ALLC: variants seen among roughly 807,000 people sequenced by gnomAD.
ALLC encodes probable inactive allantoicase.
ALLC carries 40 observed loss-of-function variants against 45.0 expected under a neutral mutation model. The observed-to-expected ratio is 0.89, with a 90% CI of 0.69 to 1.16. ALLC has a LOEUF of 1.16. ALLC is among the 50% of genes most tolerant of loss of function. The pLI, the probability that ALLC is intolerant of heterozygous loss-of-function variation, is 0.00. For missense variants in ALLC, 488 were observed against 493.1 expected, an observed-to-expected ratio of 0.99 and a Z score of 0.10; for synonymous variants, 176 against 178.1, an observed-to-expected ratio of 0.99 and a Z score of 0.09.
intron 1 of ALLC, among the ~76,000 whole-genome samples, chr2:3,661,669 C>T (rs1386583776): frequency 6.6e-6 from 1 of 152,204 alleles, no homozygotes; most frequent in African/African-American, 2.4e-5. Flanking sequence ...CCTCTTAGCA[C>T]CTCTCCGACG....
At chr2:3,678,406 T>A (rs538862556) in intron 3 of ALLC, 62 bp from the exon 4 acceptor site, 11 of 1,436,792 alleles carry the variant, frequency 7.7e-6, no homozygotes, top group Non-Finnish European at 1.1e-5. Flanking sequence ...AGAAGTGGAC[T>A]TGCTGGAAGC....
At position 3,665,385 on chromosome 2, in the gene ALLC, T is replaced by C. The variant is rs188915521; in HGVS notation, c.-62-5711T>C. Among the ~76,000 whole-genome samples the C allele has an allele frequency of 5.9e-5, 9 of 152,270 alleles. No homozygotes were observed. The East Asian group carries it at 1.7e-3, about 29-fold the overall frequency. On this transcript the variant is annotated intron_variant, in intron 1 of 11. Coordinates refer to ENST00000252505, the MANE Select transcript of ALLC (RefSeq NM_018436.4). ...TTGCTACGTAGGTAAACGTGTGCCA[T>C]GGTGGTTTGCGGCACAGATCAACCC...
chr2:3,680,056 C>T lies in ALLC; in HGVS notation c.298+62C>T. 6.2e-7 allele frequency: 1 copy of T among 1,601,724 alleles called. No individual in the cohort carries two copies. The highest frequency in any genetic ancestry group is 2.2e-5 in the East Asian group (1 of 44,626). On this transcript the variant is annotated intron_variant, in intron 5 of 11. Transcript: ENST00000252505. This position sits in a 1 kb window ranked among gnomAD's most constrained non-coding sequence, Gnocchi z 4.0. ...TGGGTCACATGGCTCCTCTGGCCAG[C>T]CACAGCCCCACAACTGCTCACTTTC...
chr2:3,681,164 C>T (rs1667168105), intron 5 of ALLC, among the ~76,000 whole-genome samples: 1 of 152,148 alleles, frequency 6.6e-6, no homozygotes, highest in African/African-American at 2.4e-5. Flanking sequence ...AATGATGCTA[C>T]AAGAGATGCT....
chr2:3,688,738 G>T (rs1466952139), intron 7 of ALLC: 2 of 151,894 alleles, frequency 1.3e-5, no homozygotes, highest in Admixed American at 6.6e-5. Flanking sequence ...ACTCGATTTT[G>T]GGGGGGATCT....
At chr2:3,661,093 C>A (rs1054163151) in intron 1 of ALLC, among the ~76,000 whole-genome samples, 4 of 152,088 alleles carry the variant, frequency 2.6e-5, no homozygotes, top group African/African-American at 9.7e-5. Context: ...GCATTCACAA[C>A]CCGTCCCCCT....
Position 3,680,107 on chromosome 2 carries a change from C to T in ALLC, c.298+113C>T. 6.9e-7 allele frequency: 1 copy of T among 1,448,968 alleles called. No individual in the cohort carries two copies. The highest frequency in any genetic ancestry group is 2.3e-5 in the East Asian group (1 of 43,236). The allele number at this position is 1,448,968 out of a possible 1,614,324, so 89.8% of individuals were successfully genotyped here. On this transcript the variant is annotated intron_variant, in intron 5 of 11. Coordinates refer to ENST00000252505, the MANE Select transcript of ALLC (RefSeq NM_018436.4). This position sits in a 1 kb window ranked among gnomAD's most constrained non-coding sequence, Gnocchi z 4.0. ...CCTACCACCCAGACAGCTTCAGGCG[C>T]TTGACTAAGGCTACTTTACTGTAAC...
At chr2:3,702,151 A>T (rs72769395) in intron 11 of ALLC, among the ~76,000 whole-genome samples, 6,822 of 152,230 alleles carry the variant, frequency 0.045, 201 homozygotes, top group East Asian at 0.11. Context: ...TTGCCCATCA[A>T]TTGTTTATTG....
At chr2:3,650,089 T>C in the ALLC span, among the ~76,000 whole-genome samples, 1 of 152,182 alleles carries the variant, frequency 6.6e-6, no homozygotes, top group Non-Finnish European at 1.5e-5. Flanking sequence ...CTTTCTCCCC[T>C]CTTATGTCTG....
chr2:3,698,919 T>C (rs549801229), intron 10 of ALLC, among the ~76,000 whole-genome samples: 50 of 152,344 alleles, frequency 3.3e-4, no homozygotes, highest in African/African-American at 1.2e-3. Flanking sequence ...TACTAACCAT[T>C]ATATCAAATT....
intron 10 of ALLC, among the ~76,000 whole-genome samples, chr2:3,699,675 A>G (rs1428115783): frequency 6.6e-6 from 1 of 151,716 alleles, no homozygotes; most frequent in African/African-American, 2.4e-5. Flanking sequence ...TTATTTTTTG[A>G]TTTTTTCATA....
rs11686151 is a variant in ALLC, at chr2:3,682,257, C to T, written c.378+544C>T. ...ACCTAGAGAAAATGGTTGCAAGGCT[C>T]AGGCCAGCAGATTTCCCCAGAGGTC... On this transcript the variant is annotated intron_variant, in intron 6 of 11. Coordinates refer to ENST00000252505, the MANE Select transcript of ALLC (RefSeq NM_018436.4). 7.8e-3 allele frequency among the ~76,000 whole-genome samples: 1,182 copies of T among 152,286 alleles called. 12 individuals are homozygous for T. The highest frequency in any genetic ancestry group is 0.026 in the African/African-American group (1,091 of 41,550).
chr2:3,668,566 C>CTTTT (rs1173613810), intron 1 of ALLC, among the ~76,000 whole-genome samples: 893 of 71,894 alleles, frequency 0.012, 167 homozygotes, highest in Middle Eastern at 0.021. Context: ...ATGTGTATGA[C>CTTTT]TTTTTTTTTT....
chr2:3,678,193 A>G (rs911236286), intron 3 of ALLC, among the ~76,000 whole-genome samples: 2 of 152,226 alleles, frequency 1.3e-5, no homozygotes, highest in African/African-American at 4.8e-5. Context: ...TGCGGCCCAC[A>G]GAGTGCCTGG....
chr2:3,702,549 A>G lies in ALLC; in HGVS notation c.1162A>G (p.Lys388Glu), dbSNP rs1667891929. Residue 388 changes from lysine to glutamate, a missense_variant, in exon 12 of 12, where the codon AAA (lysine) becomes GAA (glutamate). Lys to Glu is a moderately conservative substitution (Grantham distance 56). Coordinates refer to ENST00000252505, the MANE Select transcript of ALLC (RefSeq NM_018436.4). ...CATGTTGAAGTTCTCGGTGAGCTTC[A>G]AAGCAAACCCTTAACACACACAAAG... ...KPMLKFSVSF[K>E]ANP 1 of 1,592,330 alleles carries G rather than the reference A, an allele frequency of 6.3e-7. No individual in the cohort carries two copies. The highest frequency in any genetic ancestry group is 8.5e-7 in the Non-Finnish European group (1 of 1,170,584).
rs553078203 is a variant in ALLC at position 3,701,569 on chromosome 2, A to C, written c.908A>C (p.Glu303Ala). Residue 303 changes from glutamate to alanine, a missense_variant, in exon 11 of 12, where the codon GAA becomes GCA. By Grantham distance (107) the Glu-to-Ala change is moderately radical. Transcript: ENST00000252505. ...TGCATCCTGACAACTCAGGAAGAAG[A>C]AGCCGTGATCAGGCAAAAGTGGATT... The part of the protein sequence containing the change: ...DGCILTTQEE[E>A]AVIRQKWILP... 38 of 1,455,546 alleles carry C rather than the reference A, an allele frequency of 2.6e-5. No individual in the cohort carries two copies. The highest frequency in any genetic ancestry group is 2.1e-4 in the East Asian group (9 of 43,312). 90.2% of individuals were successfully genotyped at this position (1,455,546 alleles called of 1,614,324 possible). A position where few individuals can be genotyped will look rare whatever the true frequency, so the allele number is the denominator to read the frequency against.
At chr2:3,657,565 G>C (rs1175838167), upstream of ALLC, among the ~76,000 whole-genome samples, 1 of 152,226 alleles carries the variant, frequency 6.6e-6, no homozygotes, top group East Asian at 1.9e-4. Context: ...GCCCCGCAGG[G>C]TGGCTGTGGT....
At position 3,680,071 on chromosome 2, in the gene ALLC, T is replaced by C; in HGVS notation, c.298+77T>C. 3.1e-6 allele frequency: 5 copies of C among 1,588,714 alleles called. No individual in the cohort carries two copies. In the East Asian group the frequency reaches 6.8e-5, roughly 21 times the overall value. On this transcript the variant is annotated intron_variant, in intron 5 of 11. Transcript: ENST00000252505. The surrounding 1 kb of genome is among the most constrained non-coding windows in gnomAD (Gnocchi z 4.0). ...CTCTGGCCAGCCACAGCCCCACAAC[T>C]GCTCACTTTCCCTACCACCCAGACA...
the ALLC span, among the ~76,000 whole-genome samples, chr2:3,647,301 GCA>G: frequency 2.5e-5 from 2 of 81,490 alleles, no homozygotes; most frequent in African/African-American, 3.9e-5. Flanking sequence ...TCAAGAGCAT[GCA>G]CACACTCACA....
Sources: allele counts gnomAD v4.1 joint callset (sites outside exome capture counted in the v4.1 genomes callset), GRCh38; gene constraint gnomAD v4.1.1; non-coding constraint Gnocchi (gnomAD v3.1); transcripts MANE v1.5; gene names NCBI Gene and HGNC (gene_info 2026-07-23, HGNC 2026-07-21).